CDH18: variants seen among roughly 807,000 people sequenced by gnomAD.
CDH18 encodes cadherin-18.
In CDH18, 31 loss-of-function variants were observed where a neutral mutation model predicts 67.9. That is an observed-to-expected ratio of 0.46 (90% CI 0.34 to 0.62). CDH18 has a LOEUF of 0.62. Among genes scored for constraint, CDH18 ranks in the 20% least tolerant of loss-of-function variants. The pLI is 0.01. For synonymous variants in CDH18, 362 were observed against 347.2 expected (o/e 1.04, Z -0.48); for missense variants, 890 against 975.5 (o/e 0.91, Z 1.17).
At chr5:20,137,405 G>A (rs900580358) in intron 2 of CDH18, among the ~76,000 whole-genome samples, 1 of 151,914 alleles carries the variant, frequency 6.6e-6, no homozygotes, top group Non-Finnish European at 1.5e-5. Context: ...GCATCATTTA[G>A]TTCTCATGCC....
chr5:20,305,166 G>A lies in CDH18; in HGVS notation c.-579-49661C>T, dbSNP rs1736309703. 2.8e-6 allele frequency: 4 copies of A among 1,437,128 alleles called. No homozygotes were observed. In the East Asian group the frequency reaches 6.8e-5, roughly 25 times the overall value. The allele number at this position is 1,437,128 out of a possible 1,614,324, so 89.0% of individuals were successfully genotyped here. ...CCTTTGCACTGGTGAAGGGAGGGGC[G>A]CTGGTTATGTTGTTTCCATTCGACA... On this transcript the variant is annotated intron_variant, in intron 1 of 14. Transcript: ENST00000507958.
chr5:19,753,163 A>C (rs1296374276), intron 3 of CDH18, among the ~76,000 whole-genome samples: 3 of 152,174 alleles, frequency 2.0e-5, no homozygotes, highest in Non-Finnish European at 4.4e-5. Flanking sequence ...CCAGCAATGG[A>C]TGCAAACCAA....
rs182149352 is a variant in CDH18, at chr5:20,409,097, G to A, written c.-579-153592C>T. On this transcript the variant is annotated intron_variant, in intron 1 of 14. Coordinates refer to the CDH18 transcript ENST00000507958. ...ATTAAAAATTTCACAAAATTGAAGG[G>A]AAGACAATAATTGTAGGTAACTACA... 5.9e-4 allele frequency among the ~76,000 whole-genome samples: 89 copies of A among 151,840 alleles called. No individual in the cohort carries two copies. The South Asian group carries it at 6.2e-3, about 11-fold the overall frequency.
At chr5:19,827,559 T>C (rs1010310772) in intron 3 of CDH18, among the ~76,000 whole-genome samples, 2 of 151,838 alleles carry the variant, frequency 1.3e-5, no homozygotes, top group African/African-American at 4.8e-5. Flanking sequence ...CATTGCACAA[T>C]AAAAATAGAA....
intron 5 of CDH18, among the ~76,000 whole-genome samples, chr5:19,664,983 G>T (rs974938017): frequency 2.6e-5 from 4 of 151,848 alleles, no homozygotes; most frequent in African/African-American, 7.2e-5. Context: ...TCTAACATAA[G>T]CAAGATGACT....
chr5:20,208,171 T>C (rs975172860), intron 2 of CDH18, among the ~76,000 whole-genome samples: 1 of 152,088 alleles, frequency 6.6e-6, no homozygotes. Context: ...CTTACAACCA[T>C]GGCAGAAGGT....
At chr5:20,020,761 G>C (rs1193456362) in intron 2 of CDH18, among the ~76,000 whole-genome samples, 1 of 152,100 alleles carries the variant, frequency 6.6e-6, no homozygotes, top group East Asian at 1.9e-4. Context: ...GAGCCCCCAT[G>C]GAGAATCTCT....
intron 3 of CDH18, among the ~76,000 whole-genome samples, chr5:19,790,920 G>A (rs946251190): frequency 2.0e-5 from 3 of 152,120 alleles, no homozygotes; most frequent in East Asian, 1.9e-4. Context: ...TTAGGGAGAG[G>A]TGAGCATGAA....
chr5:20,067,247 G>C (rs147496133), intron 2 of CDH18, among the ~76,000 whole-genome samples: 1 of 151,670 alleles, frequency 6.6e-6, no homozygotes, highest in Non-Finnish European at 1.5e-5. Context: ...TCTGAGAGCA[G>C]ACTGTAGTAT....
chr5:19,703,753 ATAT>A (rs201744889), intron 5 of CDH18, among the ~76,000 whole-genome samples: 1,763 of 151,168 alleles, frequency 0.012, 35 homozygotes, highest in African/African-American at 0.041. Context: ...CAACAGGGAA[ATAT>A]TATAGCTACA....
intron 1 of CDH18, among the ~76,000 whole-genome samples, chr5:20,412,179 A>G (rs1034060972): frequency 6.6e-6 from 1 of 152,202 alleles, no homozygotes; most frequent in Non-Finnish European, 1.5e-5. Flanking sequence ...CAGTACAACA[A>G]TAGTCACATA....
chr5:19,902,130 T>C (rs907663254), intron 2 of CDH18, among the ~76,000 whole-genome samples: 11 of 152,168 alleles, frequency 7.2e-5, no homozygotes, highest in African/African-American at 2.7e-4. Flanking sequence ...AATGAATAAA[T>C]GTAGTACTTT....
At chr5:20,477,119 TC>T (rs35294678) in intron 1 of CDH18, among the ~76,000 whole-genome samples, 1 of 152,056 alleles carries the variant, frequency 6.6e-6, no homozygotes, top group African/African-American at 2.4e-5. Context: ...GGAAGAGTAT[TC>T]CATGGGAATG....
chr5:19,918,605 A>G (rs1377359289), intron 2 of CDH18, among the ~76,000 whole-genome samples: 2 of 152,164 alleles, frequency 1.3e-5, no homozygotes, highest in African/African-American at 4.8e-5. Context: ...TCCTTCAACA[A>G]AAATGAACCG....
At chr5:19,824,802 C>T (rs1372282678) in intron 3 of CDH18, among the ~76,000 whole-genome samples, 1 of 152,124 alleles carries the variant, frequency 6.6e-6, no homozygotes, top group African/African-American at 2.4e-5. Context: ...CAATCCAACC[C>T]TGCAACTGGT....
At chr5:19,965,327 G>C (rs1435542141) in intron 2 of CDH18, among the ~76,000 whole-genome samples, 1 of 152,104 alleles carries the variant, frequency 6.6e-6, no homozygotes, top group Non-Finnish European at 1.5e-5. Context: ...CACATATGTA[G>C]GAATATAATG....
intron 1 of CDH18, among the ~76,000 whole-genome samples, chr5:20,466,404 C>T (rs1206571722): frequency 2.6e-5 from 4 of 152,024 alleles, no homozygotes; most frequent in Non-Finnish European, 4.4e-5. Context: ...TAAAATCTTG[C>T]AGCCTTGCCG....
chr5:19,702,529 T>G (rs1208777593), intron 5 of CDH18, among the ~76,000 whole-genome samples: 1 of 149,946 alleles, frequency 6.7e-6, no homozygotes, highest in African/African-American at 2.4e-5. Context: ...ACTTTGGGAG[T>G]CCAAGACAGG....
intron 2 of CDH18, among the ~76,000 whole-genome samples, chr5:19,941,333 G>A (rs1397393116): frequency 6.6e-6 from 1 of 152,082 alleles, no homozygotes; most frequent in Non-Finnish European, 1.5e-5. Flanking sequence ...TCAGTTCCTG[G>A]TATTCTGTCA....
Sources: allele counts gnomAD v4.1 joint callset (sites outside exome capture counted in the v4.1 genomes callset), GRCh38; gene constraint gnomAD v4.1.1; transcripts MANE v1.5; gene names NCBI Gene and HGNC (gene_info 2026-07-23, HGNC 2026-07-21).